PCDHA11: variants seen among roughly 807,000 people sequenced by gnomAD.
PCDHA11 encodes the protein protocadherin alpha-11.
In PCDHA11, 61 loss-of-function variants were observed where a neutral mutation model predicts 70.3. The observed-to-expected ratio is 0.87, with a 90% CI of 0.71 to 1.07. The LOEUF is 1.07. PCDHA11 is among the 50% of genes least tolerant of loss of function. The pLI is 0.00. For missense variants in PCDHA11, 1,324 were observed against 1,237.5 expected (o/e 1.07, Z -1.05); for synonymous variants, 633 against 555.1 (o/e 1.14, Z -1.97).
At chr5:140,921,965 A>T (rs1459699467) in intron 1 of PCDHA11, among the ~76,000 whole-genome samples, 1 of 152,112 alleles carries the variant, frequency 6.6e-6, no homozygotes. Flanking sequence ...AGAAAACCAA[A>T]GGAAAAAATA....
At chr5:140,886,368 C>T (rs1174734883) in intron 1 of PCDHA11, among the ~76,000 whole-genome samples, 2 of 152,040 alleles carry the variant, frequency 1.3e-5, no homozygotes, top group South Asian at 4.1e-4. Context: ...GGTGTACATG[C>T]CATGGTGTGC....
intron 3 of PCDHA11, among the ~76,000 whole-genome samples, chr5:140,998,883 GAATA>G (rs782239555): frequency 6.6e-5 from 10 of 152,274 alleles, no homozygotes; most frequent in East Asian, 1.9e-4. Flanking sequence ...AAGTTTAGTT[GAATA>G]AATAACAATG....
At chr5:140,926,131 A>G (rs2082931602) in intron 1 of PCDHA11, among the ~76,000 whole-genome samples, 1 of 152,076 alleles carries the variant, frequency 6.6e-6, no homozygotes, top group Non-Finnish European at 1.5e-5. Context: ...TTCAACCCGC[A>G]GCAGGATCCA....
chr5:140,968,567 G>A (rs1586307422), intron 1 of PCDHA11: 1 of 1,614,156 alleles, frequency 6.2e-7, no homozygotes, highest in East Asian at 2.2e-5. Flanking sequence ...TGCCCCTGCT[G>A]GCTACCTGGT....
intron 1 of PCDHA11, among the ~76,000 whole-genome samples, chr5:140,958,824 A>G (rs1008923744): frequency 5.9e-5 from 9 of 152,158 alleles, no homozygotes; most frequent in Admixed American, 5.9e-4. Context: ...TAATTTTTAT[A>G]TCTTAAAGTT....
chr5:140,881,220 G>A (rs1437715335), intron 1 of PCDHA11: 1 of 247,310 alleles, frequency 4.0e-6, no homozygotes, highest in Non-Finnish European at 6.5e-6. Context: ...TTGTTTCTTG[G>A]AAAATTAAAG....
intron 3 of PCDHA11, among the ~76,000 whole-genome samples, chr5:140,986,632 A>T (rs1262339478): frequency 6.6e-6 from 1 of 152,170 alleles, no homozygotes; most frequent in African/African-American, 2.4e-5. Flanking sequence ...AGGCAACAGT[A>T]CATTAGTTTT....
At chr5:140,948,764 G>A (rs962710607) in intron 1 of PCDHA11, among the ~76,000 whole-genome samples, 11 of 150,728 alleles carry the variant, frequency 7.3e-5, no homozygotes, top group East Asian at 3.9e-4. Context: ...GATTTTTTTC[G>A]AATAGCCAGC....
chr5:140,886,251 T>A (rs189086759), intron 1 of PCDHA11, among the ~76,000 whole-genome samples: 397 of 152,156 alleles, frequency 2.6e-3, no homozygotes, highest in Non-Finnish European at 4.1e-3. Flanking sequence ...AATAAAAGTA[T>A]CTCTATTTAT....
In PCDHA11 at chr5:141,007,573, TA is replaced by T. The variant is rs1265481031; in HGVS notation, c.2540-2048del. Among the ~76,000 whole-genome samples, 3 of 151,796 alleles carry T rather than the reference TA, an allele frequency of 2.0e-5. No homozygotes were observed. The East Asian group carries it at 5.8e-4, about 29-fold the overall frequency. On this transcript the variant is annotated intron_variant, in intron 3 of 3. Coordinates refer to ENST00000398640, the MANE Select transcript of PCDHA11 (RefSeq NM_018902.5). ...ACAGAGCAAGGCTCTATCTCAAATTTAAAAAATAATAATCATGATAATAATA... is the reference window on the plus strand; with the variant it reads ...ACAGAGCAAGGCTCTATCTCAAATTTAAAAATAATAATCATGATAATAATA...
intron 1 of PCDHA11, among the ~76,000 whole-genome samples, chr5:140,913,922 A>G (rs2076507888): frequency 6.6e-6 from 1 of 151,936 alleles, no homozygotes; most frequent in South Asian, 2.1e-4. Context: ...ATTTTACTTC[A>G]TTGTGGTCAG....
intron 1 of PCDHA11, among the ~76,000 whole-genome samples, chr5:140,893,651 A>G (rs1422431076): frequency 6.6e-6 from 1 of 152,106 alleles, no homozygotes; most frequent in Non-Finnish European, 1.5e-5. Context: ...TTTGGCTGAT[A>G]GTTTTAAAAA....
Position 140,883,541 on chromosome 5 carries a change from G to T in PCDHA11, c.2391+12047G>T, listed in dbSNP as rs781952906. On this transcript the variant is annotated intron_variant, in intron 1 of 3. Coordinates refer to ENST00000398640, the MANE Select transcript of PCDHA11 (RefSeq NM_018902.5). Reference sequence around the variant, plus strand: ...GAGCGTATCAGCCTATGAACTGGTGGTGACCGCGCGGGACGGGGGCTCGCC... The same window carrying T: ...GAGCGTATCAGCCTATGAACTGGTGTTGACCGCGCGGGACGGGGGCTCGCC... 4.3e-6 allele frequency: 7 copies of T among 1,614,116 alleles called. No individual in the cohort carries two copies. In the East Asian group the frequency reaches 1.1e-4, roughly 26 times the overall value.
chr5:140,996,531 G>A (rs782175834), intron 3 of PCDHA11, among the ~76,000 whole-genome samples: 1 of 152,146 alleles, frequency 6.6e-6, no homozygotes, highest in African/African-American at 2.4e-5. Context: ...GGCCCTGTGT[G>A]TTTTGATATT....
At chr5:140,881,507 C>A in intron 1 of PCDHA11, 1 of 231,112 alleles carries the variant, frequency 4.3e-6, no homozygotes, top group Non-Finnish European at 7.1e-6. Context: ...CACACACTCA[C>A]ATACAAAATC....
chr5:140,982,779 G>A (rs1228586175), intron 3 of PCDHA11, among the ~76,000 whole-genome samples: 2 of 151,918 alleles, frequency 1.3e-5, no homozygotes, highest in African/African-American at 2.4e-5. Context: ...GAAAGTGTGT[G>A]TGCACGCATG....
Position 140,969,604 on chromosome 5 carries a change from AAC to A in PCDHA11, c.2392-9341_2392-9340del. 5.2e-6 allele frequency: 4 copies of A among 765,156 alleles called. No homozygotes were observed. The South Asian group carries it at 6.3e-5, about 12-fold the overall frequency. 47.4% of individuals were successfully genotyped at this position (765,156 alleles called of 1,614,324 possible). A position where few individuals can be genotyped will look rare whatever the true frequency, so the allele number is the denominator to read the frequency against. On this transcript the variant is annotated intron_variant, in intron 1 of 3. Transcript: ENST00000398640. Reference sequence around the variant, plus strand: ...GATTAGTCTTAATATTTAATGCTAAAACACAGATTTGTAGAGAAACAGGACAG... The same window carrying A: ...GATTAGTCTTAATATTTAATGCTAAAACAGATTTGTAGAGAAACAGGACAG...
rs1554162601 is a variant in PCDHA11 at position 140,869,189 on chromosome 5, G to T, written c.86G>T (p.Gly29Val). Residue 29 changes from glycine to valine, a missense_variant, in exon 1 of 4, where the codon GGC becomes GTC. Transcript: ENST00000398640. Reference protein sequence around the residue: ...LLLEFWEVGSGQLHYSVSEEA... With the variant: ...LLLEFWEVGSVQLHYSVSEEA... The stretch of plus-strand genomic sequence containing the variant: ...CTCGAATTCTGGGAGGTGGGGAGCG[G>T]CCAGCTCCACTACTCCGTCTCGGAG... 6.2e-7 allele frequency: 1 copy of T among 1,613,836 alleles called. No homozygotes were observed. Among genetic ancestry groups the T allele is most frequent in the African/African-American group, 1.3e-5 (1 of 74,896 alleles).
At position 140,967,577 on chromosome 5, in the gene PCDHA11, C is replaced by T. The variant is rs141338011; in HGVS notation, c.2392-11372C>T. Reference sequence around the variant, plus strand: ...TCGCGTCCAGCTACGGGAGGACTCACCCCCAGGCACATTGGTGGTGAAGCT... The same window carrying T: ...TCGCGTCCAGCTACGGGAGGACTCATCCCCAGGCACATTGGTGGTGAAGCT... On this transcript the variant is annotated intron_variant, in intron 1 of 3. Transcript: ENST00000398640. 11 of 1,614,016 alleles carry T rather than the reference C, an allele frequency of 6.8e-6. No homozygotes were observed. Among genetic ancestry groups the T allele is most frequent in the African/African-American group, 4.0e-5 (3 of 74,938 alleles).
Sources: allele counts gnomAD v4.1 joint callset (sites outside exome capture counted in the v4.1 genomes callset), GRCh38; gene constraint gnomAD v4.1.1; transcripts MANE v1.5; gene names NCBI Gene and HGNC (gene_info 2026-07-23, HGNC 2026-07-21).